The following LY96 variants were observed in gnomAD, a reference collection of about 807,000 sequenced individuals.
LY96 encodes myeloid differentiation protein-2.
A neutral mutation model predicts 18.9 loss-of-function variants in LY96; 18 were observed. The observed-to-expected ratio is 0.95, with a 90% CI of 0.66 to 1.41. The LOEUF is 1.41. Among genes scored for constraint, LY96 ranks in the 40% most tolerant of loss-of-function variants. LY96 has a pLI of 0.00. For synonymous variants in LY96, 66 were observed against 62.6 expected, an observed-to-expected ratio of 1.06 and a Z score of -0.26; for missense variants, 175 against 182.4, an observed-to-expected ratio of 0.96 and a Z score of 0.23.
intron 1 of LY96, among the ~76,000 whole-genome samples, chr8:74,001,260 G>A (rs1446902971): frequency 1.4e-5 from 2 of 144,676 alleles, no homozygotes; most frequent in Non-Finnish European, 3.0e-5. Flanking sequence ...GTCTCGCTCT[G>A]TCATACAGGC....
In LY96 at chr8:74,026,813, T is replaced by C; in HGVS notation, c.356T>C (p.Phe119Ser). 6.5e-7 allele frequency: 1 copy of C among 1,536,158 alleles called. No homozygotes were observed. The highest frequency in any genetic ancestry group is 9.0e-7 in the Non-Finnish European group (1 of 1,109,630). Reference protein sequence around the residue: ...KGETVNTTISFSFKGIKFSKG... With the variant: ...KGETVNTTISSSFKGIKFSKG... ...GAGACTGTGAATACAACAATATCAT[T>C]CTCCTTCAAGGGAATAAAATTTTCT... Residue 119 changes from phenylalanine to serine, a missense_variant, in exon 4 of 5, where the codon TTC becomes TCC. Transcript: ENST00000284818.
At chr8:73,999,646 G>T (rs1210719222) in intron 1 of LY96, among the ~76,000 whole-genome samples, 1 of 152,114 alleles carries the variant, frequency 6.6e-6, no homozygotes, top group Non-Finnish European at 1.5e-5. Context: ...TCATTTATTA[G>T]TTCTAACAAC....
the LY96 span, among the ~76,000 whole-genome samples, chr8:74,070,089 A>T: frequency 6.7e-6 from 1 of 149,918 alleles, no homozygotes; most frequent in African/African-American, 2.5e-5. Context: ...CCCTTTGCCA[A>T]TTTTCTTTCT....
At chr8:74,097,593 C>T in the LY96 span, among the ~76,000 whole-genome samples, 1 of 152,076 alleles carries the variant, frequency 6.6e-6, no homozygotes, top group African/African-American at 2.4e-5. Context: ...ACTGTAGTCC[C>T]AGCTACTCAG....
intron 1 of LY96, among the ~76,000 whole-genome samples, chr8:74,004,035 C>T (rs985244278): frequency 6.6e-6 from 1 of 152,278 alleles, no homozygotes; most frequent in East Asian, 1.9e-4. Context: ...CTGCTGTCTC[C>T]ATTCCCCTGC....
At chr8:74,046,602 T>C in the LY96 span, among the ~76,000 whole-genome samples, 1 of 152,162 alleles carries the variant, frequency 6.6e-6, no homozygotes, top group African/African-American at 2.4e-5. Context: ...ACAGGATATA[T>C]GAATATTTTC....
the LY96 span, among the ~76,000 whole-genome samples, chr8:74,081,142 CTTCT>C: frequency 0.014 from 1,742 of 123,402 alleles, 75 homozygotes; most frequent in African/African-American, 0.04. Context: ...TCCTTCCTTC[CTTCT>C]TTCTTTCTTT....
chr8:74,030,933 C>G (rs148377228), downstream of LY96, among the ~76,000 whole-genome samples: 1 of 152,152 alleles, frequency 6.6e-6, no homozygotes. Flanking sequence ...GGAGAATCCC[C>G]GAGTACCCAT....
chr8:74,007,221 C>T (rs1322574912), intron 2 of LY96, among the ~76,000 whole-genome samples: 1 of 152,156 alleles, frequency 6.6e-6, no homozygotes, highest in Non-Finnish European at 1.5e-5. Flanking sequence ...AGAGGGTGGC[C>T]TCTGGCTGAG....
At chr8:74,075,180 A>G in the LY96 span, among the ~76,000 whole-genome samples, 2 of 151,582 alleles carry the variant, frequency 1.3e-5, no homozygotes, top group African/African-American at 4.9e-5. Flanking sequence ...GAGTGCATAT[A>G]TACTTAACAA....
chr8:74,097,395 GAGAAT>G, the LY96 span, among the ~76,000 whole-genome samples: 1 of 152,110 alleles, frequency 6.6e-6, no homozygotes, highest in Admixed American at 6.5e-5. Context: ...TGTTATTTTG[GAGAAT>G]AGAAGAGTTG....
chr8:74,003,316 T>C (rs114596749), intron 1 of LY96, among the ~76,000 whole-genome samples: 1,564 of 152,314 alleles, frequency 0.01, 24 homozygotes, highest in African/African-American at 0.035. Context: ...CACTTGACTT[T>C]TATACACACT....
At chr8:74,025,993 G>A (rs1284785538) in intron 3 of LY96, among the ~76,000 whole-genome samples, 1 of 152,152 alleles carries the variant, frequency 6.6e-6, no homozygotes, top group African/African-American at 2.4e-5. Context: ...GGGCAACAGA[G>A]TGAGACTCCA....
At chr8:74,033,301 TAAAAC>T (rs1471435854), downstream of LY96, among the ~76,000 whole-genome samples, 19 of 152,200 alleles carry the variant, frequency 1.2e-4, no homozygotes, top group South Asian at 3.7e-3. Context: ...TTGAGGGAGT[TAAAAC>T]AAAGGCCTTT....
In LY96 at chr8:74,004,788, G is replaced by A. The variant is rs750871384; in HGVS notation, c.113-8G>A. 6.4e-7 allele frequency: 1 copy of A among 1,553,888 alleles called. No individual in the cohort carries two copies. The highest frequency in any genetic ancestry group is 1.4e-5 in the African/African-American group (1 of 73,626). On this transcript the variant is annotated splice_polypyrimidine_tract_variant and splice_region_variant and intron_variant, in intron 1 of 4. Transcript: ENST00000284818. ...GTAATTTATTGACATTATCTTTATT[G>A]CTTTTAGATAAAATGCAATACCCAA...
chr8:74,070,348 C>A, the LY96 span, among the ~76,000 whole-genome samples: 1 of 152,150 alleles, frequency 6.6e-6, no homozygotes, highest in Non-Finnish European at 1.5e-5. Flanking sequence ...GCCTCGGCCT[C>A]CCGAAGTGCT....
the LY96 span, among the ~76,000 whole-genome samples, chr8:74,042,917 C>G: frequency 2.0e-5 from 3 of 152,062 alleles, no homozygotes; most frequent in Admixed American, 6.5e-5. Flanking sequence ...GCTGGGACTA[C>G]AGGCATGTGC....
intron 3 of LY96, among the ~76,000 whole-genome samples, chr8:74,022,236 A>G (rs879253585): frequency 6.6e-6 from 1 of 151,974 alleles, no homozygotes; most frequent in East Asian, 1.9e-4. Flanking sequence ...GGTGAAACCC[A>G]GTCTGTACTA....
downstream of LY96, chr8:74,029,130 G>T: frequency 1.3e-6 from 1 of 788,014 alleles, no homozygotes. Context: ...GTTTTAATCA[G>T]ATATGGTAGG....
Sources: gnomAD v4.1 joint callset for allele counts (sites outside exome capture counted in the v4.1 genomes callset) on GRCh38, gnomAD v4.1.1 for gene constraint, MANE v1.5 for transcripts, NCBI Gene and HGNC (gene_info 2026-07-23, HGNC 2026-07-21) for gene names.